Variants in ANK3 observed in about 807,000 individuals in gnomAD.
ANK3 encodes ankyrin-3.
ANK3 carries 57 observed loss-of-function variants against 370.9 expected under a neutral mutation model. The observed-to-expected ratio is 0.15, with a 90% confidence interval of 0.12 to 0.19. The LOEUF (loss-of-function observed/expected upper bound fraction) is 0.19. Among genes scored for constraint, ANK3 ranks in the 10% least tolerant of loss-of-function variants. ANK3 has a pLI of 1.00. For missense variants in ANK3, 4,439 were observed against 5,302.1 expected (o/e 0.84, Z 5.06); for synonymous variants, 1,929 against 1,946.3 (o/e 0.99, Z 0.23).
chr10:60,268,931 G>A (rs2097919847), intron 5 of ANK3, among the ~76,000 whole-genome samples: 1 of 152,170 alleles, frequency 6.6e-6, no homozygotes, highest in Admixed American at 6.5e-5. Flanking sequence ...GTTTGTGTAT[G>A]TTTTCTGTGA....
intron 1 of ANK3, among the ~76,000 whole-genome samples, chr10:60,708,044 C>A (rs141013513): frequency 6.6e-6 from 1 of 152,318 alleles, no homozygotes; most frequent in East Asian, 1.9e-4. Context: ...AGGACATGAA[C>A]TTCCCATGTC....
intron 1 of ANK3, among the ~76,000 whole-genome samples, chr10:60,693,912 G>A (rs895777036): frequency 2.6e-5 from 4 of 152,032 alleles, no homozygotes; most frequent in Non-Finnish European, 4.4e-5. Flanking sequence ...TGACTTTGAC[G>A]AGCTGAGAGA....
At chr10:60,353,153 G>GTTTTTTTTTT (rs1481181095) in intron 1 of ANK3, among the ~76,000 whole-genome samples, 4 of 135,844 alleles carry the variant, frequency 2.9e-5, no homozygotes, top group Admixed American at 7.5e-5. Context: ...GCTAATTTTT[G>GTTTTTTTTTT]TTTTGTTTTT....
intron 2 of ANK3, among the ~76,000 whole-genome samples, chr10:60,581,674 G>A (rs567162723): frequency 4.0e-5 from 6 of 151,610 alleles, no homozygotes; most frequent in Admixed American, 1.3e-4. Flanking sequence ...TCCTGACATC[G>A]TGATCCATCT....
intron 1 of ANK3, among the ~76,000 whole-genome samples, chr10:60,717,974 CACAA>C (rs996307189): frequency 6.6e-6 from 1 of 152,238 alleles, no homozygotes; most frequent in African/African-American, 2.4e-5. Flanking sequence ...GGAAATAACA[CACAA>C]ACAGTTTCAT....
intron 1 of ANK3, among the ~76,000 whole-genome samples, chr10:60,702,384 A>C (rs2079556630): frequency 6.6e-6 from 1 of 152,192 alleles, no homozygotes; most frequent in South Asian, 2.1e-4. Context: ...ATGCAAAAGC[A>C]AAAAGAACTG....
In ANK3 at chr10:60,519,023, T is replaced by C. The variant is rs563913774; in HGVS notation, c.96+96163A>G. 4.6e-5 allele frequency among the ~76,000 whole-genome samples: 7 copies of C among 152,266 alleles called. No homozygotes were observed. The South Asian group carries it at 1.5e-3, about 32-fold the overall frequency. Reference sequence around the variant, plus strand: ...GAGCAATGAAGTTATTTCCCCTTTATAATAAAAGCCTTTTCTGTAGATGCT... The same window carrying C: ...GAGCAATGAAGTTATTTCCCCTTTACAATAAAAGCCTTTTCTGTAGATGCT... On this transcript the variant is annotated intron_variant, in intron 2 of 43. Coordinates refer to the ANK3 transcript ENST00000373827.
chr10:60,667,709 T>C (rs945571643), intron 1 of ANK3, among the ~76,000 whole-genome samples: 2 of 151,454 alleles, frequency 1.3e-5, no homozygotes, highest in African/African-American at 4.9e-5. Context: ...AGTGAGTACA[T>C]GGGACATCTC....
At chr10:60,216,391 A>T (rs910612622) in intron 8 of ANK3, among the ~76,000 whole-genome samples, 7 of 152,068 alleles carry the variant, frequency 4.6e-5, no homozygotes, top group Admixed American at 4.6e-4. Context: ...TAATGATATT[A>T]GTTGTGGGTT....
intron 1 of ANK3, among the ~76,000 whole-genome samples, chr10:60,358,840 C>A (rs549942485): frequency 5.3e-5 from 8 of 152,098 alleles, no homozygotes; most frequent in African/African-American, 1.9e-4. Flanking sequence ...GTTTGATAAA[C>A]CTTTTTTTTT....
chr10:60,300,687 G>A (rs2043504495), intron 1 of ANK3, among the ~76,000 whole-genome samples: 1 of 151,804 alleles, frequency 6.6e-6, no homozygotes, highest in African/African-American at 2.4e-5. Flanking sequence ...TGGCTTTCTG[G>A]CTGCTTGGAA....
At chr10:60,365,589 C>T (rs2059284475) in intron 1 of ANK3, among the ~76,000 whole-genome samples, 1 of 152,118 alleles carries the variant, frequency 6.6e-6, no homozygotes, top group Admixed American at 6.5e-5. Context: ...AAAGTCTCAA[C>T]CAAGATTTAA....
intron 2 of ANK3, among the ~76,000 whole-genome samples, chr10:60,408,278 C>T (rs577080466): frequency 1.8e-4 from 28 of 152,254 alleles, no homozygotes; most frequent in African/African-American, 6.5e-4. Flanking sequence ...ATTGTCAACC[C>T]CAGTGTTGGG....
At chr10:60,076,574 T>G in intron 36 of ANK3, 126 bp from the exon 37 acceptor site, 1 of 1,280,178 alleles carries the variant, frequency 7.8e-7, no homozygotes. Context: ...TACAATTGTT[T>G]GCATGATTTA....
At chr10:60,425,462 C>T (rs952754344) in intron 2 of ANK3, among the ~76,000 whole-genome samples, 1 of 152,120 alleles carries the variant, frequency 6.6e-6, no homozygotes, top group Non-Finnish European at 1.5e-5. Flanking sequence ...AGATTTCTTG[C>T]TGCAGTTATG....
At chr10:60,551,816 ACTT>A (rs1199788918) in intron 2 of ANK3, among the ~76,000 whole-genome samples, 2 of 152,152 alleles carry the variant, frequency 1.3e-5, no homozygotes, top group African/African-American at 4.8e-5. Context: ...TATTCTTAAT[ACTT>A]CTTCATATTC....
intron 2 of ANK3, among the ~76,000 whole-genome samples, chr10:60,416,818 T>C (rs1217560386): frequency 6.6e-6 from 1 of 152,240 alleles, no homozygotes; most frequent in Non-Finnish European, 1.5e-5. Context: ...TGATGTTCTG[T>C]ATCTTCATTC....
chr10:60,637,613 T>C (rs1251466880), intron 1 of ANK3, among the ~76,000 whole-genome samples: 7 of 152,134 alleles, frequency 4.6e-5, no homozygotes, highest in African/African-American at 7.2e-5. Context: ...TTCTCTGACA[T>C]AGTGAAAAAC....
intron 37 of ANK3, 122 bp from the exon 38 acceptor site, chr10:60,068,131 T>C: frequency 1.2e-6 from 1 of 807,614 alleles, no homozygotes; most frequent in Non-Finnish European, 2.0e-6. Context: ...CTGAAATGTG[T>C]CCTAGTCACC....
Sources: gnomAD v4.1 joint callset for allele counts (sites outside exome capture counted in the v4.1 genomes callset) on GRCh38, gnomAD v4.1.1 for gene constraint, MANE v1.5 for transcripts, NCBI Gene and HGNC (gene_info 2026-07-23, HGNC 2026-07-21) for gene names.